The following TMEM67 variants were observed in gnomAD, a reference collection of about 807,000 sequenced individuals.
TMEM67 encodes meckelin.
A neutral mutation model predicts 136.6 loss-of-function variants in TMEM67; 124 were observed. That is an observed-to-expected ratio of 0.91 (90% CI 0.78 to 1.05). The LOEUF (loss-of-function observed/expected upper bound fraction) is 1.05. Ranked by LOEUF, TMEM67 falls within the 50% of genes least tolerant of loss-of-function variation. The pLI, the probability that TMEM67 is intolerant of heterozygous loss-of-function variation, is 0.00. For synonymous variants in TMEM67, 364 were observed against 390.5 expected, an observed-to-expected ratio of 0.93 and a Z score of 0.80; for missense variants, 1,107 against 1,178.4, an observed-to-expected ratio of 0.94 and a Z score of 0.89.
intron 7 of TMEM67, among the ~76,000 whole-genome samples, chr8:93,778,859 T>C (rs1342006963): frequency 3.3e-5 from 5 of 152,216 alleles, no homozygotes; most frequent in African/African-American, 1.2e-4. Context: ...AAGGAGTATC[T>C]TTGTTTTGTT....
chr8:93,816,035 A>T (rs1808893691), intron 27 of TMEM67, among the ~76,000 whole-genome samples: 1 of 152,256 alleles, frequency 6.6e-6, no homozygotes, highest in African/African-American at 2.4e-5. Context: ...TAGAATTGTG[A>T]AGAAATTCTA....
chr8:93,797,336 GGT>G lies in TMEM67; in HGVS notation c.1968_1969del (p.Gly657CysfsTer19), dbSNP rs771421444. On this transcript the variant is annotated frameshift_variant, in exon 20 of 28. Coordinates refer to ENST00000453321, the MANE Select transcript of TMEM67 (RefSeq NM_153704.6). LOFTEE classifies it high-confidence loss of function. Reference protein sequence around the residue: ...GKVLKAVEGEGGVRSATVPVS... With the variant: ...GKVLKAVEGEXGVRSATVPVS... ...CATTTTATTTTCCTGACCAGGTGAG[GGT>G]GGTGTACGAAGTGCCACTGTTCCTG... is the stretch of plus-strand genomic sequence containing the variant. 3.1e-6 allele frequency: 5 copies of G among 1,614,098 alleles called. No homozygotes were observed. The South Asian group carries it at 5.5e-5, about 18-fold the overall frequency.
At chr8:93,810,846 C>A (rs368939029) in intron 26 of TMEM67, among the ~76,000 whole-genome samples, 3 of 152,150 alleles carry the variant, frequency 2.0e-5, no homozygotes, top group Admixed American at 6.5e-5. Context: ...TGTGATTAAT[C>A]TTTAACATTT....
intron 27 of TMEM67, 87 bp downstream of exon 27, chr8:93,815,534 A>C: frequency 8.1e-7 from 1 of 1,232,352 alleles, no homozygotes; most frequent in Non-Finnish European, 1.2e-6. Flanking sequence ...AGAGAGTAAC[A>C]ATGTCTACTT....
chr8:93,786,579 A>G (rs1010633116), intron 13 of TMEM67, among the ~76,000 whole-genome samples: 6 of 152,208 alleles, frequency 3.9e-5, no homozygotes, highest in Non-Finnish European at 5.9e-5. Context: ...CCCACTCTAG[A>G]CCTGCTGAAT....
At chr8:93,755,318 C>A (rs1812520371) in intron 1 of TMEM67, among the ~76,000 whole-genome samples, 181 bp downstream of exon 1, 1 of 152,196 alleles carries the variant, frequency 6.6e-6, no homozygotes, top group South Asian at 2.1e-4. Context: ...CCGCGCCTGG[C>A]CCGAATACAT....
At chr8:93,778,571 C>T (rs1008919596) in intron 7 of TMEM67, among the ~76,000 whole-genome samples, 2 of 152,114 alleles carry the variant, frequency 1.3e-5, no homozygotes, top group Non-Finnish European at 2.9e-5. Flanking sequence ...ATCTCTCAAC[C>T]TTTGCTTGTC....
In TMEM67 at chr8:93,808,848, G is replaced by C; in HGVS notation, c.2448G>C (p.Leu816Phe). The change falls in exon 24 of 28, where the codon TTG becomes TTC. Residue 816 changes from leucine (L) to phenylalanine (F), a missense_variant. Coordinates refer to ENST00000453321, the MANE Select transcript of TMEM67 (RefSeq NM_153704.6). ...ATTCTTTAACTTTTCAGGAAAATTT[G>C]TGTAGCCAGAGAGGTTTGGTACCCA... ...NMNLKREAEN[L>F]CSQRGLVPNT... 1 of 1,605,104 alleles carries C rather than the reference G, an allele frequency of 6.2e-7. No homozygotes were observed. The highest frequency in any genetic ancestry group is 8.5e-7 in the Non-Finnish European group (1 of 1,172,520).
At chr8:93,764,059 A>C in intron 4 of TMEM67, 118 bp downstream of exon 4, 1 of 753,398 alleles carries the variant, frequency 1.3e-6, no homozygotes, top group Non-Finnish European at 2.3e-6. Context: ...CCAAGGAAGG[A>C]TAGAAGTAGA....
At chr8:93,830,272 CTT>C in the TMEM67 span, among the ~76,000 whole-genome samples, 2 of 152,146 alleles carry the variant, frequency 1.3e-5, no homozygotes, top group African/African-American at 4.8e-5. Flanking sequence ...GCCCTGCACC[CTT>C]CCCCCCATGC....
chr8:93,772,455 A>G, intron 6 of TMEM67, 134 bp from the exon 7 acceptor site: 1 of 677,856 alleles, frequency 1.5e-6, no homozygotes, highest in South Asian at 1.8e-5. Context: ...ATTGGTTAAA[A>G]TCAATTCTTG....
At chr8:93,815,016 G>C (rs550107068) in intron 26 of TMEM67, among the ~76,000 whole-genome samples, 1 of 152,302 alleles carries the variant, frequency 6.6e-6, no homozygotes, top group African/African-American at 2.4e-5. Context: ...AAGAAATAGA[G>C]AAAGGCTATT....
At chr8:93,767,460 C>G (rs569174597) in intron 6 of TMEM67, among the ~76,000 whole-genome samples, 1 of 152,216 alleles carries the variant, frequency 6.6e-6, no homozygotes, top group Non-Finnish European at 1.5e-5. Flanking sequence ...TGTTGAACCA[C>G]TACTGTGATG....
chr8:93,771,008 C>T (rs1813305913), intron 6 of TMEM67, among the ~76,000 whole-genome samples: 2 of 148,330 alleles, frequency 1.3e-5, no homozygotes, highest in South Asian at 2.1e-4. Context: ...AGCGAAATTC[C>T]GTCTCAAAAA....
At chr8:93,781,618 C>T in intron 9 of TMEM67, 40 bp from the exon 10 acceptor site, 1 of 960,856 alleles carries the variant, frequency 1.0e-6, no homozygotes, top group Admixed American at 2.0e-5. Context: ...GTATTACTTT[C>T]AGAGTATTTG....
At chr8:93,763,753 A>G in intron 3 of TMEM67, 89 bp from the exon 4 acceptor site, 1 of 833,016 alleles carries the variant, frequency 1.2e-6, no homozygotes, top group Admixed American at 2.0e-5. Flanking sequence ...TAATAGTTAC[A>G]ATTGGGTTTT....
chr8:93,755,898 T>G (rs747310296), intron 2 of TMEM67, 32 bp downstream of exon 2: 25 of 1,186,646 alleles, frequency 2.1e-5, no homozygotes, highest in African/African-American at 4.5e-5. Context: ...ATAACTTACC[T>G]GTAAAAAGTA....
At chr8:93,818,176 A>G (rs1436231537), downstream of TMEM67, 1 of 152,200 alleles carries the variant, frequency 6.6e-6, no homozygotes, top group Non-Finnish European at 1.5e-5. Context: ...GATCATGTGC[A>G]TAATTATTCA....
At chr8:93,793,535 A>G (rs1034318453) in intron 16 of TMEM67, among the ~76,000 whole-genome samples, 3 of 152,192 alleles carry the variant, frequency 2.0e-5, no homozygotes, top group Admixed American at 6.5e-5. Flanking sequence ...ATACTTGGCA[A>G]CACTTGATAT....
Sources: gnomAD v4.1 joint callset for allele counts (sites outside exome capture counted in the v4.1 genomes callset) on GRCh38, gnomAD v4.1.1 for gene constraint, MANE v1.5 for transcripts, NCBI Gene and HGNC (gene_info 2026-07-23, HGNC 2026-07-21) for gene names.